ADGRD1: variants seen among roughly 807,000 people sequenced by gnomAD.
ADGRD1 encodes the protein G-protein coupled receptor 133.
In ADGRD1, 77 loss-of-function variants were observed where a neutral mutation model predicts 113.4. The observed-to-expected ratio is 0.68, with a 90% CI of 0.57 to 0.82. ADGRD1 has a LOEUF of 0.82. Among genes scored for constraint, ADGRD1 ranks in the 40% least tolerant of loss-of-function variants. The pLI, the probability that ADGRD1 is intolerant of heterozygous loss-of-function variation, is 0.00. For synonymous variants in ADGRD1, 474 were observed against 475.0 expected (o/e 1.00, Z 0.03); for missense variants, 1,036 against 1,139.1 (o/e 0.91, Z 1.30).
intron 13 of ADGRD1, among the ~76,000 whole-genome samples, chr12:131,071,619 G>A (rs1885176777): frequency 6.6e-6 from 1 of 152,232 alleles, no homozygotes; most frequent in African/African-American, 2.4e-5. Context: ...CCACAGTGCA[G>A]GTGACCCCAG....
chr12:130,984,142 T>C lies in ADGRD1; in HGVS notation c.490+2079T>C, dbSNP rs76096865. On this transcript the variant is annotated intron_variant, in intron 5 of 24. Transcript: ENST00000261654. The surrounding 1 kb of genome is among the most constrained non-coding windows in gnomAD (Gnocchi z 4.1). ...TCCTCAGATGGGTTTTATGGTCCTA[T>C]ATTGTGATTGCCTAGGCCAAGTTTG... Among the ~76,000 whole-genome samples, 1,371 of 152,326 alleles carry C rather than the reference T, an allele frequency of 9.0e-3. 23 individuals are homozygous for C. The highest frequency in any genetic ancestry group is 0.031 in the African/African-American group (1,287 of 41,560).
chr12:131,044,383 C>T (rs1214816243), intron 13 of ADGRD1, among the ~76,000 whole-genome samples: 3 of 152,198 alleles, frequency 2.0e-5, no homozygotes, highest in East Asian at 3.9e-4. Context: ...CGTCCACCCA[C>T]GAGTTCCCCC....
At chr12:131,077,435 C>T (rs993024623) in intron 14 of ADGRD1, among the ~76,000 whole-genome samples, 2 of 152,248 alleles carry the variant, frequency 1.3e-5, no homozygotes, top group African/African-American at 2.4e-5. Context: ...CATGCAGTCT[C>T]CTCCCGCCCT....
chr12:131,021,109 G>A (rs1194813475), intron 13 of ADGRD1, among the ~76,000 whole-genome samples: 3 of 152,102 alleles, frequency 2.0e-5, no homozygotes, highest in African/African-American at 7.2e-5. Flanking sequence ...GTCAAGAATA[G>A]TACAGAATGC....
At chr12:131,080,967 G>T (rs868706460) in intron 14 of ADGRD1, among the ~76,000 whole-genome samples, 1 of 152,128 alleles carries the variant, frequency 6.6e-6, no homozygotes. Context: ...CTGTTATTAG[G>T]TGCATGTATG....
intron 8 of ADGRD1, among the ~76,000 whole-genome samples, chr12:130,995,012 G>C (rs773713422): frequency 6.6e-6 from 1 of 152,206 alleles, no homozygotes; most frequent in East Asian, 1.9e-4. Flanking sequence ...TCTTCATCAC[G>C]GGCTAGAAGG....
At chr12:130,959,022 A>G (rs1350775501) in intron 2 of ADGRD1, among the ~76,000 whole-genome samples, 1 of 152,212 alleles carries the variant, frequency 6.6e-6, no homozygotes, top group African/African-American at 2.4e-5. Context: ...TAGGGGAGAC[A>G]GACACAGACA....
In ADGRD1 at chr12:131,118,435, T is replaced by TA; in HGVS notation, c.2093dup (p.Tyr698Ter). Residue 698 changes from tyrosine to a stop codon, truncating the protein, a stop_gained and frameshift_variant, in exon 19 of 25, where the codon TAC becomes TAAC. Coordinates refer to ENST00000261654, the MANE Select transcript of ADGRD1 (RefSeq NM_198827.5). LOFTEE classifies it high-confidence loss of function. ...TTCACTGTCATTTGCCATGGACAGT[T>TA]ACGGAACAAGCAACAAGTAAGTGCA... Reference protein sequence around the residue: ...IISLSFAMDSYGTSNNCWLSL... With the variant: ...IISLSFAMDS The TA allele has an allele frequency of 1.2e-6, 2 of 1,611,562 alleles. No homozygotes were observed. Among genetic ancestry groups the TA allele is most frequent in the Non-Finnish European group, 1.7e-6 (2 of 1,179,082 alleles).
intron 23 of ADGRD1, chr12:131,137,581 C>T (rs1951123022): frequency 9.5e-6 from 2 of 209,826 alleles, no homozygotes; most frequent in Admixed American, 5.3e-5. Flanking sequence ...GGGGAATGGG[C>T]CCAGGGCAGA....
chr12:130,970,048 G>A (rs987860967), intron 3 of ADGRD1: 3 of 152,050 alleles, frequency 2.0e-5, no homozygotes, highest in Non-Finnish European at 4.4e-5. Flanking sequence ...GTCTGTAGCT[G>A]GACTTTAAAA....
chr12:131,009,737 T>G (rs1486504781), intron 12 of ADGRD1, among the ~76,000 whole-genome samples: 1 of 152,162 alleles, frequency 6.6e-6, no homozygotes, highest in Admixed American at 6.6e-5. Context: ...GTTTTGTGTG[T>G]GCTGTGGGCA....
chr12:131,011,945 C>T lies in ADGRD1; in HGVS notation c.1332-2254C>T, dbSNP rs1014402727. On this transcript the variant is annotated intron_variant, in intron 12 of 24. Coordinates refer to ENST00000261654, the MANE Select transcript of ADGRD1 (RefSeq NM_198827.5). ...CTGCTGAGTGAGTCAGGCTGGGCGC[C>T]GCGGGGCTTTGCCTTGGTCCCCCCC... Among the ~76,000 whole-genome samples, 5 of 152,284 alleles carry T rather than the reference C, an allele frequency of 3.3e-5. No homozygotes were observed. In the East Asian group the frequency reaches 7.7e-4, roughly 24 times the overall value.
rs144900376 is a variant in ADGRD1, at chr12:131,104,926, C to G, written c.1767C>G (p.Ala589=). 1,658 of 1,549,120 alleles carry G rather than the reference C, an allele frequency of 1.1e-3. 3 individuals are homozygous for G. The highest frequency in any genetic ancestry group is 1.2e-3 in the Non-Finnish European group (1,393 of 1,145,404). Residue 589 remains alanine (A), a synonymous_variant, in exon 16 of 25, where the codon GCC becomes GCG. Coordinates refer to ENST00000261654, the MANE Select transcript of ADGRD1 (RefSeq NM_198827.5). ...TGGTGGCCACGCTGGTCACCTTCGC[C>G]GTGCTGTCGTGAGTCCCCTTTTCTA... The part of the protein sequence containing the change: ...LCLVATLVTF[A]VLSSVSTIRN...
intron 2 of ADGRD1, among the ~76,000 whole-genome samples, chr12:130,963,914 TGTG>T (rs1393652115): frequency 7.2e-5 from 11 of 152,164 alleles, no homozygotes; most frequent in Non-Finnish European, 1.5e-5. Context: ...CCATCAGAAA[TGTG>T]GTGGAAGTTG....
At position 131,041,176 on chromosome 12, in the gene ADGRD1, G is replaced by A. The variant is rs977088835; in HGVS notation, c.1473+26836G>A. On this transcript the variant is annotated intron_variant, in intron 13 of 24. Transcript: ENST00000261654. The surrounding 1 kb of genome is among the most constrained non-coding windows in gnomAD (Gnocchi z 4.4). The stretch of plus-strand genomic sequence containing the variant: ...GGGACTTCACTGAGCACAGAAAATC[G>A]GGGGTCTTGGTGCTGGCCACTGGCG... 3.9e-5 allele frequency among the ~76,000 whole-genome samples: 6 copies of A among 152,166 alleles called. No homozygotes were observed. The highest frequency in any genetic ancestry group is 2.1e-4 in the South Asian group (1 of 4,826).
chr12:130,958,641 C>T (rs1160676813), intron 2 of ADGRD1, among the ~76,000 whole-genome samples: 1 of 152,200 alleles, frequency 6.6e-6, no homozygotes, highest in Non-Finnish European at 1.5e-5. Context: ...CCTTGAGGCT[C>T]GCCTGCCCCC....
At chr12:131,021,861 A>G (rs758576382) in intron 13 of ADGRD1, among the ~76,000 whole-genome samples, 5 of 151,974 alleles carry the variant, frequency 3.3e-5, no homozygotes, top group Non-Finnish European at 5.9e-5. Context: ...CATGCATCAC[A>G]ATGCCCTGCT....
chr12:131,010,780 C>T (rs912766777), intron 12 of ADGRD1, among the ~76,000 whole-genome samples: 44 of 152,180 alleles, frequency 2.9e-4, no homozygotes, highest in African/African-American at 9.6e-4. Flanking sequence ...AGCACAGTCA[C>T]GGGCCAGGAA....
rs748131884 is a variant in ADGRD1, at chr12:130,971,595, C to T, written c.310+15C>T. 1.3e-6 allele frequency: 2 copies of T among 1,583,810 alleles called. No homozygotes were observed. Among genetic ancestry groups the T allele is most frequent in the South Asian group, 2.3e-5 (2 of 85,926 alleles). On this transcript the variant is annotated intron_variant, in intron 4 of 24. Transcript: ENST00000261654. This position sits in a 1 kb window ranked among gnomAD's most constrained non-coding sequence, Gnocchi z 4.2. ...TGGCCCTGAAGGTGAGTGGCTGATC[C>T]CTGCGGCATCTTTGTCAAGCATTTC...
Sources: allele counts gnomAD v4.1 joint callset (sites outside exome capture counted in the v4.1 genomes callset), GRCh38; gene constraint gnomAD v4.1.1; non-coding constraint Gnocchi (gnomAD v3.1); transcripts MANE v1.5; gene names NCBI Gene and HGNC (gene_info 2026-07-23, HGNC 2026-07-21).